The following PTGFRN variants were observed in gnomAD, a reference collection of about 807,000 sequenced individuals.
PTGFRN encodes the protein prostaglandin F2 receptor inhibitor, also known as prostaglandin F2 receptor negative regulator.
Under a neutral mutation model 83.2 loss-of-function variants are expected in PTGFRN, and 35 were observed. The observed-to-expected ratio is 0.42, with a 90% CI of 0.32 to 0.56. The LOEUF is 0.56. Among genes scored for constraint, PTGFRN ranks in the 20% least tolerant of loss-of-function variants. The probability of loss-of-function intolerance (pLI) is 0.11; values close to 1 mark genes in which losing one functional copy is unlikely to be tolerated. For synonymous variants in PTGFRN, 519 were observed against 498.6 expected, an observed-to-expected ratio of 1.04 and a Z score of -0.55; for missense variants, 1,051 against 1,179.5, an observed-to-expected ratio of 0.89 and a Z score of 1.60.
intron 4 of PTGFRN, among the ~76,000 whole-genome samples, chr1:116,951,971 G>A (rs574887044): frequency 6.6e-6 from 1 of 152,294 alleles, no homozygotes; most frequent in African/African-American, 2.4e-5. Context: ...GCACTCTGTT[G>A]ATATAGGTGG....
intron 1 of PTGFRN, among the ~76,000 whole-genome samples, chr1:116,936,390 G>A (rs569450405): frequency 5.6e-4 from 85 of 152,106 alleles, no homozygotes; most frequent in Non-Finnish European, 8.5e-4. Flanking sequence ...ATATCTTTTC[G>A]GATTAGAATT....
At chr1:116,922,474 AG>A (rs1020099961) in intron 1 of PTGFRN, among the ~76,000 whole-genome samples, 5 of 152,242 alleles carry the variant, frequency 3.3e-5, no homozygotes, top group African/African-American at 1.2e-4. Context: ...CAGCGGAAAC[AG>A]TAGTATGAAT....
In PTGFRN at chr1:116,941,762, C is replaced by A; in HGVS notation, c.97C>A (p.Arg33=). The A allele has an allele frequency of 3.7e-6, 6 of 1,614,108 alleles. No homozygotes were observed. Among genetic ancestry groups the A allele is most frequent in the Non-Finnish European group, 5.1e-6 (6 of 1,180,022 alleles). Reference sequence around the variant, plus strand: ...GAGAGTCCCCACAGCGACCCTGGTTCGAGTGGTGGGCACTGAGCTGGTCAT... The same window carrying A: ...GAGAGTCCCCACAGCGACCCTGGTTAGAGTGGTGGGCACTGAGCTGGTCAT... ...VVRVPTATLV[R]VVGTELVIPC... The change falls in exon 2 of 9, where the codon CGA becomes AGA. Residue 33 remains arginine (R), a synonymous_variant. Transcript: ENST00000393203. This position sits in a 1 kb window ranked among gnomAD's most constrained non-coding sequence, Gnocchi z 5.0.
chr1:116,984,722 T>G lies in PTGFRN; in HGVS notation c.2210T>G (p.Phe737Cys). Residue 737 changes from phenylalanine to cysteine, a missense_variant, in exon 8 of 9, where the codon TTT becomes TGT. By Grantham distance (205) the Phe-to-Cys change is radical. Coordinates refer to ENST00000393203, the MANE Select transcript of PTGFRN (RefSeq NM_020440.4). ...FDVSWFAVHSFGLDKAPVLLS... is the reference protein window; with the variant it reads ...FDVSWFAVHSCGLDKAPVLLS... ...GTGTCCTGGTTTGCGGTGCACTCTT[T>G]TGGCCTGGACAAGGCTCCTGTGCTC... is the stretch of plus-strand genomic sequence containing the variant. 1 of 1,614,184 alleles carries G rather than the reference T, an allele frequency of 6.2e-7. No homozygotes were observed. The highest frequency in any genetic ancestry group is 8.5e-7 in the Non-Finnish European group (1 of 1,180,030).
At chr1:116,965,279 T>C (rs1650791992) in intron 5 of PTGFRN, among the ~76,000 whole-genome samples, 1 of 152,076 alleles carries the variant, frequency 6.6e-6, no homozygotes, top group African/African-American at 2.4e-5. Flanking sequence ...TTATTTTATT[T>C]TTAATTTTAA....
chr1:116,966,654 T>C (rs1290713768), intron 5 of PTGFRN, among the ~76,000 whole-genome samples: 2 of 152,230 alleles, frequency 1.3e-5, no homozygotes, highest in Non-Finnish European at 2.9e-5. Flanking sequence ...GACTTAAAAA[T>C]CCTTAAAACC....
In PTGFRN at chr1:116,952,775, C is replaced by T. The variant is rs1244876928; in HGVS notation, c.1213+3203C>T. On this transcript the variant is annotated intron_variant, in intron 4 of 8. Transcript: ENST00000393203. The surrounding 1 kb of genome is among the most constrained non-coding windows in gnomAD (Gnocchi z 4.0). ...GCATTGGAAAAGATAATAGACAGGG[C>T]TTTCAACTGTTCTTTTACAAAAGGC... Among the ~76,000 whole-genome samples the T allele has an allele frequency of 6.6e-6, 1 of 152,188 alleles. No homozygotes were observed. The highest frequency in any genetic ancestry group is 1.5e-5 in the Non-Finnish European group (1 of 68,034).
At chr1:116,922,972 A>G (rs1251087976) in intron 1 of PTGFRN, among the ~76,000 whole-genome samples, 1 of 152,176 alleles carries the variant, frequency 6.6e-6, no homozygotes, top group African/African-American at 2.4e-5. Context: ...AAATGAGGAC[A>G]TGTTGGACCC....
At chr1:116,980,121 C>T (rs1464419918) in intron 7 of PTGFRN, among the ~76,000 whole-genome samples, 1 of 151,966 alleles carries the variant, frequency 6.6e-6, no homozygotes, top group Non-Finnish European at 1.5e-5. Flanking sequence ...AAACGCTCAT[C>T]ATCACTGGCC....
chr1:116,963,314 C>T (rs976114214), intron 5 of PTGFRN, among the ~76,000 whole-genome samples: 2 of 152,248 alleles, frequency 1.3e-5, no homozygotes, highest in Non-Finnish European at 2.9e-5. Context: ...AACCTCCTCC[C>T]ACAGCTTCTC....
Position 116,989,502 on chromosome 1 carries a change from A to T in PTGFRN, c.*2535A>T, listed in dbSNP as rs1383881425. The T allele has an allele frequency of 6.6e-6, 1 of 152,612 alleles. No individual in the cohort carries two copies. Among genetic ancestry groups the T allele is most frequent in the African/African-American group, 2.4e-5 (1 of 41,438 alleles). The allele number at this position is 152,612 out of a possible 1,614,324, so 9.5% of individuals were successfully genotyped here. ...TCTTCTAGAACAGGTTCCTACCAGC[A>T]GCACTGGTGTGAATGAAAGAGAGAC... is the stretch of plus-strand genomic sequence containing the variant. On this transcript the variant is annotated 3_prime_UTR_variant, in exon 9 of 9. Coordinates refer to ENST00000393203, the MANE Select transcript of PTGFRN (RefSeq NM_020440.4).
rs1430557001 is a variant in PTGFRN, at chr1:116,958,684, AT to A, written c.1214-2558del. Reference sequence around the variant, plus strand: ...ATAACATTATGAGCTAGTTACTGTCATCCCCATTTGTATGGGTGAGGCACCA... The same window carrying A: ...ATAACATTATGAGCTAGTTACTGTCACCCCATTTGTATGGGTGAGGCACCA... On this transcript the variant is annotated intron_variant, in intron 4 of 8. Transcript: ENST00000393203. The surrounding 1 kb of genome is among the most constrained non-coding windows in gnomAD (Gnocchi z 4.9). Among the ~76,000 whole-genome samples the A allele has an allele frequency of 6.6e-6, 1 of 152,226 alleles. No individual in the cohort carries two copies. The highest frequency in any genetic ancestry group is 1.5e-5 in the Non-Finnish European group (1 of 68,032).
At chr1:116,980,490 T>A (rs967768031) in intron 7 of PTGFRN, among the ~76,000 whole-genome samples, 15 of 152,052 alleles carry the variant, frequency 9.9e-5, no homozygotes, top group Non-Finnish European at 1.8e-4. Flanking sequence ...ATTAAGAAAA[T>A]GTGGCACATA....
chr1:116,913,264 T>G (rs946901133), intron 1 of PTGFRN, among the ~76,000 whole-genome samples: 8 of 152,182 alleles, frequency 5.3e-5, no homozygotes, highest in South Asian at 2.1e-4. Context: ...GACATTTGAG[T>G]TGAGCCTTGA....
chr1:116,974,814 T>C (rs976873122), intron 7 of PTGFRN, among the ~76,000 whole-genome samples: 4 of 151,644 alleles, frequency 2.6e-5, no homozygotes, highest in African/African-American at 9.7e-5. Flanking sequence ...AGAAGACGGG[T>C]GATTTCTGCA....
At chr1:116,974,092 T>C (rs1267819068) in intron 6 of PTGFRN, 124 bp from the exon 7 acceptor site, 5 of 682,258 alleles carry the variant, frequency 7.3e-6, no homozygotes, top group South Asian at 3.9e-5. Context: ...AACACCTATT[T>C]TGTGAGTTTC....
In PTGFRN at chr1:116,944,779, C is replaced by T. The variant is rs1301829959; in HGVS notation, c.519C>T (p.Ser173=). 1.9e-6 allele frequency: 3 copies of T among 1,558,294 alleles called. No individual in the cohort carries two copies. The highest frequency in any genetic ancestry group is 1.7e-6 in the Non-Finnish European group (2 of 1,156,052). Residue 173 remains serine (S), a synonymous_variant, in exon 3 of 9, where the codon TCC becomes TCT. Coordinates refer to ENST00000393203, the MANE Select transcript of PTGFRN (RefSeq NM_020440.4). The part of the protein sequence containing the change: ...EPFELRCTAA[S]ASPLHTHLAL... ...TCGAGCTGCGCTGCACCGCCGCCTC[C>T]GCCTCGCCGCTGCACACGCACCTGG...
rs937025982 is a variant in PTGFRN, at chr1:116,958,293, C to T, written c.1214-2950C>T. Among the ~76,000 whole-genome samples the T allele has an allele frequency of 2.0e-5, 3 of 152,292 alleles. No homozygotes were observed. The East Asian group carries it at 5.8e-4, about 29-fold the overall frequency. On this transcript the variant is annotated intron_variant, in intron 4 of 8. Coordinates refer to ENST00000393203, the MANE Select transcript of PTGFRN (RefSeq NM_020440.4). The surrounding 1 kb of genome is among the most constrained non-coding windows in gnomAD (Gnocchi z 4.9). ...AGGGAGCTGTCTTCTGGGTCACATT[C>T]CCTGTGGCAGTAACTTAGTGTCATG...
intron 7 of PTGFRN, among the ~76,000 whole-genome samples, chr1:116,976,786 C>T (rs1056372934): frequency 1.3e-5 from 2 of 152,174 alleles, no homozygotes; most frequent in African/African-American, 2.4e-5. Flanking sequence ...ATTGTAAAGA[C>T]CATTGATGCT....
Sources: allele counts gnomAD v4.1 joint callset (sites outside exome capture counted in the v4.1 genomes callset), GRCh38; gene constraint gnomAD v4.1.1; non-coding constraint Gnocchi (gnomAD v3.1); transcripts MANE v1.5; gene names NCBI Gene and HGNC (gene_info 2026-07-23, HGNC 2026-07-21).